XYLT1: variants seen among roughly 807,000 people sequenced by gnomAD.
XYLT1 encodes beta-D-xylosyltransferase 1.
In XYLT1, 36 loss-of-function variants were observed where a neutral mutation model predicts 91.3. The ratio of observed to expected loss-of-function variants is 0.39; its 90% CI spans 0.30 to 0.52. XYLT1 has a LOEUF of 0.52. Ranked by LOEUF, XYLT1 falls within the 20% of genes least tolerant of loss-of-function variation. The pLI is 0.68. For synonymous variants in XYLT1, 588 were observed against 532.0 expected (o/e 1.11, Z -1.45); for missense variants, 1,242 against 1,284.5 (o/e 0.97, Z 0.51).
At chr16:17,326,092 C>T (rs1384515880) in intron 2 of XYLT1, among the ~76,000 whole-genome samples, 1 of 152,166 alleles carries the variant, frequency 6.6e-6, no homozygotes, top group African/African-American at 2.4e-5. Context: ...CTCGTGACAC[C>T]ATCACCACAA....
intron 2 of XYLT1, among the ~76,000 whole-genome samples, chr16:17,311,728 C>G (rs2034552950): frequency 6.7e-6 from 1 of 150,076 alleles, no homozygotes; most frequent in African/African-American, 2.4e-5. Flanking sequence ...ATGCCCGAGA[C>G]TGGGTAATTT....
chr16:17,324,690 C>T (rs7498195), intron 2 of XYLT1, among the ~76,000 whole-genome samples: 89,114 of 151,894 alleles, frequency 0.59, 26,583 homozygotes, highest in Admixed American at 0.65. Context: ...AGATCCCCCA[C>T]GGTCATTGGG....
intron 2 of XYLT1, among the ~76,000 whole-genome samples, chr16:17,289,166 C>A (rs1317723818): frequency 6.6e-6 from 1 of 152,186 alleles, no homozygotes; most frequent in Non-Finnish European, 1.5e-5. Flanking sequence ...CTCAACCCTG[C>A]CATTGTAGAG....
intron 6 of XYLT1, among the ~76,000 whole-genome samples, chr16:17,143,762 ACT>A (rs1268536413): frequency 6.6e-6 from 1 of 151,532 alleles, no homozygotes; most frequent in Admixed American, 6.6e-5. Flanking sequence ...CATTATCACC[ACT>A]GTCATCACCA....
intron 3 of XYLT1, among the ~76,000 whole-genome samples, chr16:17,234,752 T>C (rs972254176): frequency 1.3e-5 from 2 of 151,612 alleles, no homozygotes; most frequent in Non-Finnish European, 2.9e-5. Context: ...AAGGTTCAAG[T>C]CTACCCTGAG....
intron 2 of XYLT1, among the ~76,000 whole-genome samples, chr16:17,298,985 T>G (rs999097842): frequency 6.6e-6 from 1 of 152,060 alleles, no homozygotes; most frequent in African/African-American, 2.4e-5. Flanking sequence ...ATTATTAATA[T>G]GTATAATATA....
chr16:17,132,582 C>CAGTT (rs1406764619), intron 9 of XYLT1, among the ~76,000 whole-genome samples: 6 of 143,920 alleles, frequency 4.2e-5, no homozygotes, highest in African/African-American at 9.9e-5. Context: ...GAACCCTGAG[C>CAGTT]AGTTAGTACA....
Position 17,138,555 on chromosome 16 carries a change from C to G in XYLT1, c.1588-24G>C, listed in dbSNP as rs568371898. The G allele has an allele frequency of 1.4e-5, 23 of 1,605,850 alleles. No individual in the cohort carries two copies. In the South Asian group the frequency reaches 2.3e-4, roughly 16 times the overall value. The stretch of plus-strand genomic sequence containing the variant: ...GACTGCAGGGGAGAGAGGGACCCAG[C>G]CTGAGACCTCTCCCAGCCTCCCACA... On this transcript the variant is annotated intron_variant, in intron 7 of 11. Transcript: ENST00000261381.
intron 2 of XYLT1, among the ~76,000 whole-genome samples, chr16:17,275,632 C>A (rs1431190056): frequency 6.6e-6 from 1 of 152,176 alleles, no homozygotes; most frequent in Non-Finnish European, 1.5e-5. Flanking sequence ...AGCCACAAAC[C>A]ACAATATTCT....
chr16:17,228,331 A>C (rs987153485), intron 3 of XYLT1, among the ~76,000 whole-genome samples: 3 of 152,238 alleles, frequency 2.0e-5, no homozygotes, highest in African/African-American at 7.2e-5. Flanking sequence ...CACAGCATTC[A>C]TATGATCCTT....
Position 17,426,591 on chromosome 16 carries a change from CAG to C in XYLT1, c.363+43841_363+43842del, listed in dbSNP as rs2036321615. Among the ~76,000 whole-genome samples, 6 of 152,250 alleles carry C rather than the reference CAG, an allele frequency of 3.9e-5. 1 individual carries two copies. The South Asian group carries it at 1.2e-3, about 32-fold the overall frequency. The stretch of plus-strand genomic sequence containing the variant: ...AACAAAACAAGGCAATAGCATAGAG[CAG>C]AGATTAGCAAACTTTGACCAGTGAG... On this transcript the variant is annotated intron_variant, in intron 1 of 11. Coordinates refer to ENST00000261381, the MANE Select transcript of XYLT1 (RefSeq NM_022166.4).
At chr16:17,137,918 C>T (rs1010901686) in intron 8 of XYLT1, among the ~76,000 whole-genome samples, 7 of 152,122 alleles carry the variant, frequency 4.6e-5, no homozygotes, top group Admixed American at 1.3e-4. Context: ...AATCATCCAG[C>T]CACAATGGCA....
At chr16:17,297,682 C>T (rs1316061545) in intron 2 of XYLT1, among the ~76,000 whole-genome samples, 3 of 152,234 alleles carry the variant, frequency 2.0e-5, no homozygotes, top group East Asian at 1.9e-4. Flanking sequence ...ATGATCATGC[C>T]ACTGTGCTCC....
chr16:17,470,558 C>A lies in XYLT1; in HGVS notation c.239G>T (p.Gly80Val). The change falls in exon 1 of 12, where the codon GGA (glycine) becomes GTA (valine). Residue 80 changes from glycine (G) to valine (V), a missense_variant. By Grantham distance (109) the Gly-to-Val change is moderately radical. Coordinates refer to ENST00000261381, the MANE Select transcript of XYLT1 (RefSeq NM_022166.4). ...TCCTCCTCCGCCGCCGCCTCCTCCT[C>A]CTCCTCGGGCTGCAGCCGGCTCGGC... Reference protein sequence around the residue: ...LPAEPAAARGGGGGGGGGGGG... With the variant: ...LPAEPAAARGVGGGGGGGGGG... The A allele has an allele frequency of 8.2e-7, 1 of 1,215,672 alleles. No individual in the cohort carries two copies. Among genetic ancestry groups the A allele is most frequent in the Non-Finnish European group, 1.0e-6 (1 of 978,124 alleles). 75.3% of individuals were successfully genotyped at this position (1,215,672 alleles called of 1,614,324 possible).
intron 10 of XYLT1, among the ~76,000 whole-genome samples, chr16:17,126,797 C>T (rs1215672070): frequency 6.6e-6 from 1 of 152,146 alleles, no homozygotes; most frequent in Non-Finnish European, 1.5e-5. Context: ...CCCCTTCCTT[C>T]CTGCACCACG....
chr16:17,221,833 G>T (rs2032973452), intron 3 of XYLT1, among the ~76,000 whole-genome samples: 1 of 152,086 alleles, frequency 6.6e-6, no homozygotes, highest in African/African-American at 2.4e-5. Flanking sequence ...AATCCAGTAT[G>T]AGCCAGGGCA....
intron 1 of XYLT1, among the ~76,000 whole-genome samples, chr16:17,396,427 C>G (rs761855564): frequency 3.9e-5 from 6 of 152,182 alleles, no homozygotes; most frequent in Non-Finnish European, 5.9e-5. Flanking sequence ...ACCTTCCACA[C>G]AAACTCACTG....
In XYLT1 at chr16:17,470,826, G is replaced by C. The variant is rs1349984004; in HGVS notation, c.-30C>G. 5 of 866,392 alleles carry C rather than the reference G, an allele frequency of 5.8e-6. No homozygotes were observed. In the South Asian group the frequency reaches 2.8e-4, roughly 48 times the overall value. The allele number at this position is 866,392 out of a possible 1,614,324, so 53.7% of individuals were successfully genotyped here. A position where few individuals can be genotyped will look rare whatever the true frequency, so the allele number is the denominator to read the frequency against. On this transcript the variant is annotated 5_prime_UTR_variant, in exon 1 of 12. Coordinates refer to ENST00000261381, the MANE Select transcript of XYLT1 (RefSeq NM_022166.4). ...GGAGCGCGGCCGGCGAGCGAGGCGC[G>C]GGGACCCCGGCACGCTCCGGGCCGC...
intron 1 of XYLT1, among the ~76,000 whole-genome samples, chr16:17,406,989 CTTT>C (rs1168168801): frequency 5.9e-5 from 9 of 151,838 alleles, no homozygotes; most frequent in African/African-American, 1.9e-4. Flanking sequence ...TTTGCTGCTT[CTTT>C]ATTTTTATTT....
Sources: gnomAD v4.1 joint callset for allele counts (sites outside exome capture counted in the v4.1 genomes callset) on GRCh38, gnomAD v4.1.1 for gene constraint, MANE v1.5 for transcripts, NCBI Gene and HGNC (gene_info 2026-07-23, HGNC 2026-07-21) for gene names.